CDH13: variants seen among roughly 807,000 people sequenced by gnomAD.
CDH13 encodes the protein cadherin 13, also known as cadherin-13.
Under a neutral mutation model 63.8 loss-of-function variants are expected in CDH13, and 24 were observed. That is an observed-to-expected ratio of 0.38 (90% CI 0.27 to 0.53). CDH13 has a LOEUF of 0.53. CDH13 is among the 20% of genes least tolerant of loss of function. The pLI is 0.85. For synonymous variants in CDH13, 503 were observed against 355.3 expected, an observed-to-expected ratio of 1.42 and a Z score of -4.67; for missense variants, 1,049 against 903.1, an observed-to-expected ratio of 1.16 and a Z score of -2.07.
chr16:83,053,402 G>C (rs1356184521), intron 3 of CDH13, among the ~76,000 whole-genome samples: 3 of 152,010 alleles, frequency 2.0e-5, no homozygotes, highest in Non-Finnish European at 4.4e-5. Flanking sequence ...TGGGGTATCA[G>C]AAGACACACT....
At chr16:83,088,390 A>G (rs9940957) in intron 3 of CDH13, among the ~76,000 whole-genome samples, 4,299 of 152,240 alleles carry the variant, frequency 0.028, 207 homozygotes, top group African/African-American at 0.098. Flanking sequence ...TTTGGACGCA[A>G]TTTGCAATCC....
At chr16:83,600,850 C>T (rs926050835) in intron 7 of CDH13, among the ~76,000 whole-genome samples, 1 of 152,094 alleles carries the variant, frequency 6.6e-6, no homozygotes, top group Non-Finnish European at 1.5e-5. Flanking sequence ...GGCTCCAGTA[C>T]AACCACTAAG....
chr16:83,580,093 G>C (rs143425134), intron 7 of CDH13, among the ~76,000 whole-genome samples: 1 of 152,164 alleles, frequency 6.6e-6, no homozygotes, highest in South Asian at 2.1e-4. Context: ...AATGCAGGCA[G>C]AGGGGGACAG....
At chr16:83,464,790 C>A (rs542840756) in intron 6 of CDH13, among the ~76,000 whole-genome samples, 32 of 152,200 alleles carry the variant, frequency 2.1e-4, no homozygotes, top group African/African-American at 7.2e-4. Flanking sequence ...TTGGGGAGGA[C>A]CCTAGTCAAC....
rs118055947 is a variant in CDH13, at chr16:83,482,479, G to A, written c.782-3998G>A. ...GTCCTCTGGGGAAACCTTGCTTTGC[G>A]GTGTTTGCCACGTATTTCCCAAATC... is the stretch of plus-strand genomic sequence containing the variant. On this transcript the variant is annotated intron_variant, in intron 6 of 13. Coordinates refer to ENST00000567109, the MANE Select transcript of CDH13 (RefSeq NM_001257.5). Among the ~76,000 whole-genome samples the A allele has an allele frequency of 6.6e-5, 10 of 152,336 alleles. No individual in the cohort carries two copies. In the East Asian group the frequency reaches 9.6e-4, roughly 15 times the overall value.
intron 1 of CDH13, among the ~76,000 whole-genome samples, chr16:82,735,246 C>A (rs139566687): frequency 6.6e-6 from 1 of 152,186 alleles, no homozygotes; most frequent in Admixed American, 6.5e-5. Context: ...TTTACCTGTG[C>A]TCATCATTTT....
At chr16:83,537,410 A>G (rs1288302425) in intron 7 of CDH13, among the ~76,000 whole-genome samples, 1 of 152,206 alleles carries the variant, frequency 6.6e-6, no homozygotes, top group Non-Finnish European at 1.5e-5. Flanking sequence ...TGAATAATTT[A>G]CTTGGATTCT....
intron 8 of CDH13, among the ~76,000 whole-genome samples, chr16:83,624,681 C>A (rs1910123241): frequency 6.6e-6 from 1 of 152,112 alleles, no homozygotes; most frequent in South Asian, 2.1e-4. Flanking sequence ...TACAGGTCCG[C>A]AGCCCCAGGG....
chr16:83,406,032 C>A (rs986195261), intron 6 of CDH13, among the ~76,000 whole-genome samples: 8 of 152,322 alleles, frequency 5.3e-5, no homozygotes, highest in African/African-American at 1.9e-4. Context: ...GCAGCTTCTC[C>A]CCGCTTTTCC....
chr16:83,739,104 G>C (rs977639206), intron 10 of CDH13, among the ~76,000 whole-genome samples: 3 of 152,170 alleles, frequency 2.0e-5, no homozygotes, highest in African/African-American at 7.2e-5. Flanking sequence ...TCTTGGATGT[G>C]GGGAGGGCTC....
intron 5 of CDH13, among the ~76,000 whole-genome samples, chr16:83,255,319 C>G (rs1906123397): frequency 6.6e-6 from 1 of 152,130 alleles, no homozygotes; most frequent in African/African-American, 2.4e-5. Flanking sequence ...GCTCCATCCT[C>G]CAGGTTTGAA....
At chr16:82,830,952 G>A (rs1323776362) in intron 1 of CDH13, among the ~76,000 whole-genome samples, 12 of 152,094 alleles carry the variant, frequency 7.9e-5, no homozygotes, top group African/African-American at 2.4e-4. Context: ...AATGGGCCTG[G>A]TATACAGAGG....
chr16:83,184,146 T>TAAA (rs545692184), intron 4 of CDH13, among the ~76,000 whole-genome samples: 4,739 of 123,328 alleles, frequency 0.038, 320 homozygotes, highest in African/African-American at 0.13. Flanking sequence ...ACACAACTAG[T>TAAA]AAAAAAAAAA....
intron 11 of CDH13, among the ~76,000 whole-genome samples, chr16:83,771,717 G>C (rs1437932763): frequency 2.6e-5 from 4 of 152,216 alleles, no homozygotes; most frequent in Non-Finnish European, 5.9e-5. Context: ...TCTCAGTCAA[G>C]AGTGACAGGC....
At chr16:82,913,674 A>G (rs1265790635) in intron 2 of CDH13, among the ~76,000 whole-genome samples, 1 of 152,082 alleles carries the variant, frequency 6.6e-6, no homozygotes, top group African/African-American at 2.4e-5. Context: ...CAGAGTAAGG[A>G]GTGCATGGGG....
chr16:83,480,094 G>A (rs1025053786), intron 6 of CDH13, among the ~76,000 whole-genome samples: 6 of 152,188 alleles, frequency 3.9e-5, no homozygotes, highest in African/African-American at 7.2e-5. Flanking sequence ...GGAGGACAAC[G>A]TGGGCAGATC....
At chr16:83,150,957 T>C (rs770227009) in intron 4 of CDH13, among the ~76,000 whole-genome samples, 2 of 152,192 alleles carry the variant, frequency 1.3e-5, no homozygotes, top group Non-Finnish European at 2.9e-5. Context: ...ATATACCCCA[T>C]CTTTTTTTTA....
At chr16:83,016,911 A>G (rs989737618) in intron 2 of CDH13, among the ~76,000 whole-genome samples, 7 of 152,178 alleles carry the variant, frequency 4.6e-5, no homozygotes, top group African/African-American at 1.4e-4. Context: ...CTTGGATCAA[A>G]TTTCTGTGCT....
chr16:83,369,671 C>T (rs967334364), intron 6 of CDH13, among the ~76,000 whole-genome samples: 18 of 152,098 alleles, frequency 1.2e-4, no homozygotes, highest in African/African-American at 4.1e-4. Flanking sequence ...GTGATCCTAC[C>T]ACCTCAGCCT....
Sources: gnomAD v4.1 joint callset for allele counts (sites outside exome capture counted in the v4.1 genomes callset) on GRCh38, gnomAD v4.1.1 for gene constraint, MANE v1.5 for transcripts, NCBI Gene and HGNC (gene_info 2026-07-23, HGNC 2026-07-21) for gene names.